THSD7A: variants seen among roughly 807,000 people sequenced by gnomAD.
THSD7A encodes the protein thrombospondin type-1 domain-containing protein 7A.
Under a neutral mutation model 231.3 loss-of-function variants are expected in THSD7A, and 96 were observed. The ratio of observed to expected loss-of-function variants is 0.41; its 90% CI spans 0.35 to 0.49. The LOEUF (loss-of-function observed/expected upper bound fraction) is 0.49. THSD7A is among the 20% of genes least tolerant of loss of function. The pLI is 0.05. For synonymous variants in THSD7A, 940 were observed against 743.3 expected, an observed-to-expected ratio of 1.26 and a Z score of -4.30; for missense variants, 2,290 against 2,070.2, an observed-to-expected ratio of 1.11 and a Z score of -2.06.
intron 1 of THSD7A, among the ~76,000 whole-genome samples, chr7:11,703,603 C>A (rs891820616): frequency 6.6e-6 from 1 of 151,150 alleles, no homozygotes; most frequent in African/African-American, 2.4e-5. Flanking sequence ...TAATGCCTGG[C>A]ACAATATCTT....
At chr7:11,712,476 C>G (rs1780998614) in intron 1 of THSD7A, among the ~76,000 whole-genome samples, 1 of 150,946 alleles carries the variant, frequency 6.6e-6, no homozygotes, top group South Asian at 2.1e-4. Flanking sequence ...AAACATTTAC[C>G]TCTGGAAAAG....
At chr7:11,640,386 G>T (rs1782036270) in intron 1 of THSD7A, among the ~76,000 whole-genome samples, 1 of 152,076 alleles carries the variant, frequency 6.6e-6, no homozygotes, top group African/African-American at 2.4e-5. Context: ...TTAAGCCATT[G>T]CAGTATATCA....
intron 1 of THSD7A, among the ~76,000 whole-genome samples, chr7:11,745,331 T>C (rs113317128): frequency 0.027 from 4,033 of 152,180 alleles, 202 homozygotes; most frequent in African/African-American, 0.093. Context: ...TCATTGTGGA[T>C]TCTGGATATT....
intron 4 of THSD7A, among the ~76,000 whole-genome samples, chr7:11,555,460 G>C (rs914575151): frequency 3.3e-5 from 5 of 151,778 alleles, no homozygotes; most frequent in African/African-American, 1.2e-4. Context: ...TTTTACATTT[G>C]TTGAACTATG....
intron 6 of THSD7A, among the ~76,000 whole-genome samples, chr7:11,503,189 C>T (rs1445916766): frequency 6.6e-6 from 1 of 152,106 alleles, no homozygotes; most frequent in Admixed American, 6.6e-5. Context: ...TTTGACAAGG[C>T]TGACAAAAAC....
chr7:11,671,401 G>T (rs892610799), intron 1 of THSD7A, among the ~76,000 whole-genome samples: 7 of 152,096 alleles, frequency 4.6e-5, no homozygotes, highest in Non-Finnish European at 1.0e-4. Context: ...TATTTAAATG[G>T]TAGGCATAGC....
At chr7:11,392,681 C>G (rs1295137278) in intron 23 of THSD7A, among the ~76,000 whole-genome samples, 2 of 152,158 alleles carry the variant, frequency 1.3e-5, no homozygotes, top group Non-Finnish European at 2.9e-5. Context: ...ACCTGTGACT[C>G]TCAAGCTTGG....
chr7:11,501,077 T>C (rs1787317550), intron 6 of THSD7A, among the ~76,000 whole-genome samples: 1 of 150,556 alleles, frequency 6.6e-6, no homozygotes, highest in South Asian at 2.1e-4. Context: ...TGAGAAGACT[T>C]AGCTATCCTA....
intron 6 of THSD7A, among the ~76,000 whole-genome samples, chr7:11,488,879 T>C (rs886909671): frequency 1.3e-4 from 20 of 152,156 alleles, no homozygotes; most frequent in African/African-American, 4.8e-4. Flanking sequence ...TCTGCCATTT[T>C]GCAAACACTG....
chr7:11,628,033 A>T (rs1781527417), intron 2 of THSD7A, among the ~76,000 whole-genome samples: 1 of 152,146 alleles, frequency 6.6e-6, no homozygotes, highest in Non-Finnish European at 1.5e-5. Flanking sequence ...TTGGCAAAAT[A>T]TTATTTCCTT....
intron 1 of THSD7A, among the ~76,000 whole-genome samples, chr7:11,682,804 A>G (rs1783917448): frequency 6.6e-6 from 1 of 151,774 alleles, no homozygotes; most frequent in Non-Finnish European, 1.5e-5. Context: ...CAGAATATAC[A>G]TTTTTCTCAT....
intron 2 of THSD7A, among the ~76,000 whole-genome samples, chr7:11,613,349 G>A (rs560087817): frequency 6.6e-6 from 1 of 152,286 alleles, no homozygotes; most frequent in South Asian, 2.1e-4. Context: ...GCAGCCCTGG[G>A]TGAATCTCAG....
chr7:11,454,570 T>C lies in THSD7A; in HGVS notation c.2605+6092A>G, dbSNP rs140860422. Among the ~76,000 whole-genome samples, 10 of 151,840 alleles carry C rather than the reference T, an allele frequency of 6.6e-5. No individual in the cohort carries two copies. The East Asian group carries it at 1.9e-3, about 29-fold the overall frequency. ...TGCCGTATCAGTGGTTATCTCTTTT[T>C]TTTTTTTCAATTCTTCAGTGATTAT... On this transcript the variant is annotated intron_variant, in intron 11 of 27. Transcript: ENST00000423059.
intron 6 of THSD7A, among the ~76,000 whole-genome samples, chr7:11,539,773 T>C (rs1789064397): frequency 1.3e-5 from 2 of 152,212 alleles, no homozygotes; most frequent in African/African-American, 4.8e-5. Flanking sequence ...CTAAATCTGA[T>C]TTTTTCATTG....
intron 6 of THSD7A, among the ~76,000 whole-genome samples, chr7:11,487,568 T>C (rs780399080): frequency 6.6e-6 from 1 of 152,126 alleles, no homozygotes; most frequent in Non-Finnish European, 1.5e-5. Context: ...AATCAAGATA[T>C]ACCCAAGACT....
At chr7:11,521,016 A>G (rs1788239062) in intron 6 of THSD7A, among the ~76,000 whole-genome samples, 1 of 152,240 alleles carries the variant, frequency 6.6e-6, no homozygotes, top group Admixed American at 6.5e-5. Flanking sequence ...AAAATGCACA[A>G]ATATTGCTCT....
chr7:11,584,138 T>C (rs1489383586), intron 4 of THSD7A, among the ~76,000 whole-genome samples: 1 of 152,168 alleles, frequency 6.6e-6, no homozygotes, highest in Non-Finnish European at 1.5e-5. Flanking sequence ...ACTTTTCCTG[T>C]ACCATCCCCA....
chr7:11,512,328 C>T (rs1038609226), intron 6 of THSD7A, among the ~76,000 whole-genome samples: 2 of 152,146 alleles, frequency 1.3e-5, no homozygotes, highest in Non-Finnish European at 2.9e-5. Flanking sequence ...CAATTTTACA[C>T]TGTTGGTGGG....
intron 4 of THSD7A, among the ~76,000 whole-genome samples, chr7:11,554,794 A>G (rs1406871310): frequency 6.6e-6 from 1 of 151,870 alleles, no homozygotes; most frequent in African/African-American, 2.4e-5. Flanking sequence ...CTGTGTAGAA[A>G]TGCTCTATTT....
Sources: allele counts gnomAD v4.1 joint callset (sites outside exome capture counted in the v4.1 genomes callset), GRCh38; gene constraint gnomAD v4.1.1; transcripts MANE v1.5; gene names NCBI Gene and HGNC (gene_info 2026-07-23, HGNC 2026-07-21).